Variants in CLVS1 observed in about 807,000 individuals in gnomAD.
CLVS1 encodes the protein clavesin-1.
Under a neutral mutation model 33.1 loss-of-function variants are expected in CLVS1, and 10 were observed. The ratio of observed to expected loss-of-function variants is 0.30; its 90% CI spans 0.19 to 0.51. CLVS1 has a LOEUF of 0.51. Ranked by LOEUF, CLVS1 falls within the 20% of genes least tolerant of loss-of-function variation. The pLI is 0.97. For missense variants in CLVS1, 343 were observed against 433.4 expected, an observed-to-expected ratio of 0.79 and a Z score of 1.85; for synonymous variants, 163 against 166.1, an observed-to-expected ratio of 0.98 and a Z score of 0.14.
chr8:61,424,580 AAAT>A (rs1815809667), intron 3 of CLVS1, among the ~76,000 whole-genome samples: 1 of 152,236 alleles, frequency 6.6e-6, no homozygotes. Flanking sequence ...ACTGGTACAC[AAAT>A]ATCACAATTA....
At chr8:60,991,127 C>T in the CLVS1 span, among the ~76,000 whole-genome samples, 4 of 151,982 alleles carry the variant, frequency 2.6e-5, no homozygotes, top group Non-Finnish European at 5.9e-5. Flanking sequence ...TGGTGAAAAG[C>T]TAAGTAATAT....
chr8:61,085,488 T>C (rs1402480789), intron 1 of CLVS1, among the ~76,000 whole-genome samples: 1 of 151,932 alleles, frequency 6.6e-6, no homozygotes, highest in Non-Finnish European at 1.5e-5. Flanking sequence ...TCTCAATCTA[T>C]GATTAGAAGA....
intron 2 of CLVS1, among the ~76,000 whole-genome samples, chr8:61,263,349 A>T (rs895970331): frequency 1.3e-5 from 2 of 152,160 alleles, no homozygotes; most frequent in African/African-American, 4.8e-5. Flanking sequence ...TGCACAGTTG[A>T]TTTTCAGTTG....
chr8:61,135,486 C>T (rs547323888), intron 2 of CLVS1, among the ~76,000 whole-genome samples: 3 of 152,120 alleles, frequency 2.0e-5, no homozygotes, highest in South Asian at 2.1e-4. Flanking sequence ...CTGTGGCTTC[C>T]GTGACCATCT....
At chr8:61,094,892 A>C (rs1805320055) in intron 1 of CLVS1, among the ~76,000 whole-genome samples, 1 of 152,206 alleles carries the variant, frequency 6.6e-6, no homozygotes, top group Non-Finnish European at 1.5e-5. Context: ...CAGCCCTAGC[A>C]GACTAACACA....
At chr8:61,467,401 G>A (rs1817584983) in intron 5 of CLVS1, among the ~76,000 whole-genome samples, 1 of 152,194 alleles carries the variant, frequency 6.6e-6, no homozygotes. Context: ...AGGAAACAAA[G>A]AGCATCTTTC....
chr8:61,421,635 C>T (rs1048651270), intron 3 of CLVS1, among the ~76,000 whole-genome samples: 1 of 152,240 alleles, frequency 6.6e-6, no homozygotes, highest in Non-Finnish European at 1.5e-5. Flanking sequence ...CAGGCAGGCT[C>T]AACTCTGCCG....
At chr8:61,005,405 C>T in the CLVS1 span, among the ~76,000 whole-genome samples, 1 of 147,398 alleles carries the variant, frequency 6.8e-6, no homozygotes, top group African/African-American at 2.6e-5. Context: ...AAGGGAACAA[C>T]AGGGTGGCTT....
At chr8:61,223,103 C>T (rs541495359) in intron 2 of CLVS1, among the ~76,000 whole-genome samples, 1 of 152,054 alleles carries the variant, frequency 6.6e-6, no homozygotes, top group African/African-American at 2.4e-5. Flanking sequence ...CTGAATACAG[C>T]ACACTGATAG....
At chr8:61,402,858 G>A (rs73682292) in intron 3 of CLVS1, among the ~76,000 whole-genome samples, 1,757 of 152,322 alleles carry the variant, frequency 0.012, 26 homozygotes, top group African/African-American at 0.04. Flanking sequence ...AGACCAAAAT[G>A]TCTGCCCAGA....
At chr8:61,037,253 G>A in the CLVS1 span, among the ~76,000 whole-genome samples, 11,497 of 152,126 alleles carry the variant, frequency 0.076, 517 homozygotes, top group African/African-American at 0.1. Context: ...AATGGGTACT[G>A]AATCTCTGTA....
chr8:61,375,648 T>C (rs574770610), intron 2 of CLVS1, among the ~76,000 whole-genome samples: 26 of 152,188 alleles, frequency 1.7e-4, no homozygotes, highest in Admixed American at 3.3e-4. Flanking sequence ...TTCACACTGA[T>C]TTCACAAGAG....
At chr8:61,053,402 C>G (rs1273121949), upstream of CLVS1, among the ~76,000 whole-genome samples, 1 of 152,154 alleles carries the variant, frequency 6.6e-6, no homozygotes, top group Non-Finnish European at 1.5e-5. Flanking sequence ...AAGAGGAAAA[C>G]CAATGCTGTG....
chr8:61,446,706 C>T (rs1183169614), intron 3 of CLVS1, among the ~76,000 whole-genome samples: 2 of 152,202 alleles, frequency 1.3e-5, no homozygotes, highest in Admixed American at 6.5e-5. Flanking sequence ...CCCCACCTCT[C>T]GGTACTGCCA....
intron 1 of CLVS1, chr8:61,090,889 C>G (rs932087314): frequency 1.9e-6 from 1 of 518,814 alleles, no homozygotes; most frequent in Non-Finnish European, 3.8e-6. Flanking sequence ...GGACTTGAAG[C>G]TGTAATGAGT....
intron 2 of CLVS1, among the ~76,000 whole-genome samples, chr8:61,221,151 T>C (rs377762589): frequency 2.6e-4 from 39 of 152,240 alleles, no homozygotes; most frequent in African/African-American, 9.4e-4. Flanking sequence ...TGACTTCCTC[T>C]CTTCCTATTT....
intron 2 of CLVS1, among the ~76,000 whole-genome samples, chr8:61,265,744 G>A (rs1484278719): frequency 1.3e-5 from 2 of 152,156 alleles, no homozygotes; most frequent in Non-Finnish European, 2.9e-5. Context: ...TTACTACAGA[G>A]CAGCCAGCAT....
chr8:61,372,224 T>G (rs1374815986), intron 2 of CLVS1, among the ~76,000 whole-genome samples: 1 of 152,180 alleles, frequency 6.6e-6, no homozygotes, highest in East Asian at 1.9e-4. Context: ...AAACCATATA[T>G]AAATGTAAAT....
intron 5 of CLVS1, among the ~76,000 whole-genome samples, chr8:61,480,117 C>A (rs1017784405): frequency 6.6e-6 from 1 of 152,240 alleles, no homozygotes; most frequent in African/African-American, 2.4e-5. Flanking sequence ...AGCTGTCAGA[C>A]GGGGACATTT....
Sources: gnomAD v4.1 joint callset for allele counts (sites outside exome capture counted in the v4.1 genomes callset) on GRCh38, gnomAD v4.1.1 for gene constraint, MANE v1.5 for transcripts, NCBI Gene and HGNC (gene_info 2026-07-23, HGNC 2026-07-21) for gene names.